The following FNDC7 variants were observed in gnomAD, a reference collection of about 807,000 sequenced individuals.
FNDC7 encodes the protein fibronectin type III domain-containing protein 7.
Under a neutral mutation model 74.2 loss-of-function variants are expected in FNDC7, and 66 were observed. That is an observed-to-expected ratio of 0.89 (90% CI 0.73 to 1.09). The LOEUF (loss-of-function observed/expected upper bound fraction) is 1.09. Among genes scored for constraint, FNDC7 ranks in the 50% least tolerant of loss-of-function variants. The pLI, the probability that FNDC7 is intolerant of heterozygous loss-of-function variation, is 0.00. For missense variants in FNDC7, 829 were observed against 893.4 expected, an observed-to-expected ratio of 0.93 and a Z score of 0.92; for synonymous variants, 307 against 330.2, an observed-to-expected ratio of 0.93 and a Z score of 0.76.
Position 108,717,764 on chromosome 1 carries a change from A to C in FNDC7, c.83-13A>C, listed in dbSNP as rs983082874. 6.4e-7 allele frequency: 1 copy of C among 1,551,298 alleles called. No individual in the cohort carries two copies. Among genetic ancestry groups the C allele is most frequent in the Admixed American group, 2.0e-5 (1 of 50,998 alleles). On this transcript the variant is annotated splice_polypyrimidine_tract_variant and intron_variant, in intron 2 of 12. Coordinates refer to ENST00000370017, the MANE Select transcript of FNDC7 (RefSeq NM_001144937.3). ...GTATCTTGGCTAATGTACAACTCTA[A>C]AACCTCTTTCAGCTCCTGAAATACC...
intron 4 of FNDC7, among the ~76,000 whole-genome samples, chr1:108,719,286 T>C (rs904746878): frequency 5.3e-5 from 8 of 152,230 alleles, no homozygotes; most frequent in African/African-American, 1.4e-4. Flanking sequence ...CTCCGCCCTC[T>C]AATATCCAAC....
In FNDC7 at chr1:108,728,198, G is replaced by GC. The variant is rs1311029849; in HGVS notation, c.1369+138dup. On this transcript the variant is annotated intron_variant, in intron 7 of 12. Transcript: ENST00000370017. ...ATCAATCTTTGTGGAGACCAAGAGA[G>GC]CCCCCGTTGTACGAAGGAGAGGCAG... 4 of 1,166,086 alleles carry GC rather than the reference G, an allele frequency of 3.4e-6. No homozygotes were observed. The South Asian group carries it at 4.4e-5, about 13-fold the overall frequency. The allele number at this position is 1,166,086 out of a possible 1,614,324, so 72.2% of individuals were successfully genotyped here. A position where few individuals can be genotyped will look rare whatever the true frequency, so the allele number is the denominator to read the frequency against.
intron 2 of FNDC7, among the ~76,000 whole-genome samples, chr1:108,715,057 A>G (rs1660945262): frequency 6.6e-6 from 1 of 152,086 alleles, no homozygotes; most frequent in African/African-American, 2.4e-5. Context: ...TAAGCTACTG[A>G]TGCTGCTGCT....
chr1:108,718,141 T>C, intron 3 of FNDC7, 110 bp downstream of exon 3: 1 of 1,370,176 alleles, frequency 7.3e-7, no homozygotes, highest in African/African-American at 1.4e-5. Flanking sequence ...GTGCCTACAA[T>C]TCAAGGCCCA....
chr1:108,730,591 C>A (rs1056740299), intron 8 of FNDC7, 83 bp from the exon 9 acceptor site: 35 of 1,446,854 alleles, frequency 2.4e-5, no homozygotes, highest in African/African-American at 1.7e-4. Flanking sequence ...GAAACACAGG[C>A]AAAATACCAT....
chr1:108,731,136 C>G (rs1042726680), intron 9 of FNDC7, among the ~76,000 whole-genome samples: 1 of 152,168 alleles, frequency 6.6e-6, no homozygotes, highest in African/African-American at 2.4e-5. Context: ...GAATTAACTC[C>G]CCTAGTAACA....
intron 5 of FNDC7, among the ~76,000 whole-genome samples, chr1:108,724,807 G>A (rs1279377981): frequency 6.6e-6 from 1 of 151,514 alleles, no homozygotes. Flanking sequence ...TAGGCTGGGC[G>A]CATTGGCTCC....
intron 2 of FNDC7, among the ~76,000 whole-genome samples, chr1:108,716,467 T>C (rs550818371): frequency 1.2e-4 from 18 of 151,936 alleles, no homozygotes; most frequent in African/African-American, 4.3e-4. Context: ...CACTGGCAAG[T>C]GGCTATGATG....
chr1:108,713,550 A>C, intron 2 of FNDC7, 21 bp downstream of exon 2: 1 of 1,538,530 alleles, frequency 6.5e-7, no homozygotes, highest in African/African-American at 1.4e-5. Flanking sequence ...CTGACCTGCA[A>C]GTTTTTCCTT....
At chr1:108,715,943 G>A (rs1023766012) in intron 2 of FNDC7, among the ~76,000 whole-genome samples, 13 of 152,032 alleles carry the variant, frequency 8.6e-5, no homozygotes, top group African/African-American at 3.1e-4. Context: ...ACACAACCCC[G>A]AGTTTCATTC....
chr1:108,738,602 C>A (rs1199161902), intron 11 of FNDC7, among the ~76,000 whole-genome samples: 5 of 120,958 alleles, frequency 4.1e-5, no homozygotes, highest in Middle Eastern at 5.7e-3. Context: ...GTAAATGAAG[C>A]CTTCTTGCCC....
chr1:108,724,273 T>C (rs372328456), intron 5 of FNDC7, among the ~76,000 whole-genome samples: 6 of 152,100 alleles, frequency 3.9e-5, no homozygotes, highest in East Asian at 1.9e-4. Flanking sequence ...CTAGCACTTA[T>C]TGTGTGAGAT....
chr1:108,736,977 T>TTG (rs1470796693), intron 10 of FNDC7, among the ~76,000 whole-genome samples: 1 of 144,918 alleles, frequency 6.9e-6, no homozygotes, highest in Non-Finnish European at 1.5e-5. Flanking sequence ...TTTTTTTTTT[T>TTG]TTTTTTTTGA....
intron 10 of FNDC7, chr1:108,734,748 G>T (rs1470811774): frequency 6.6e-6 from 1 of 152,178 alleles, no homozygotes; most frequent in Non-Finnish European, 1.5e-5. Context: ...GACAGGAATA[G>T]GTTCCTGGTG....
chr1:108,719,149 G>A (rs1661039284), intron 4 of FNDC7, 100 bp downstream of exon 4: 1 of 1,313,878 alleles, frequency 7.6e-7, no homozygotes, highest in Admixed American at 2.6e-5. Context: ...GACAAGTACA[G>A]AGCAGCTGGC....
At chr1:108,733,600 C>T in intron 10 of FNDC7, 68 bp downstream of exon 10, 1 of 1,352,522 alleles carries the variant, frequency 7.4e-7, no homozygotes, top group South Asian at 1.2e-5. Context: ...AAGATGCAAT[C>T]AAACTTATTT....
intron 2 of FNDC7, among the ~76,000 whole-genome samples, chr1:108,714,421 A>G (rs1033588275): frequency 6.6e-6 from 1 of 152,152 alleles, no homozygotes; most frequent in African/African-American, 2.4e-5. Context: ...CACGCCTATA[A>G]TCTCAGCACT....
intron 5 of FNDC7, among the ~76,000 whole-genome samples, chr1:108,723,857 T>C (rs535785521): frequency 7.9e-5 from 12 of 152,286 alleles, no homozygotes; most frequent in African/African-American, 2.6e-4. Flanking sequence ...ATATGAATAG[T>C]TTGTAAAAGC....
At chr1:108,740,896 C>T (rs1435789274) in intron 11 of FNDC7, among the ~76,000 whole-genome samples, 1 of 152,208 alleles carries the variant, frequency 6.6e-6, no homozygotes, top group East Asian at 1.9e-4. Flanking sequence ...CAATTATTAA[C>T]ATTTTAATGT....
Sources: gnomAD v4.1 joint callset for allele counts (sites outside exome capture counted in the v4.1 genomes callset) on GRCh38, gnomAD v4.1.1 for gene constraint, MANE v1.5 for transcripts, NCBI Gene and HGNC (gene_info 2026-07-23, HGNC 2026-07-21) for gene names.